The following CPA6 variants were observed in gnomAD, a reference collection of about 807,000 sequenced individuals.
CPA6 encodes carboxypeptidase B.
A neutral mutation model predicts 63.3 loss-of-function variants in CPA6; 58 were observed. The ratio of observed to expected loss-of-function variants is 0.92; its 90% CI spans 0.74 to 1.14. CPA6 has a LOEUF of 1.14. Among genes scored for constraint, CPA6 ranks in the 50% most tolerant of loss-of-function variants. CPA6 has a pLI of 0.00. For synonymous variants in CPA6, 185 were observed against 179.0 expected, an observed-to-expected ratio of 1.03 and a Z score of -0.27; for missense variants, 565 against 526.6, an observed-to-expected ratio of 1.07 and a Z score of -0.71.
chr8:67,690,554 A>G (rs190583069), intron 1 of CPA6, among the ~76,000 whole-genome samples: 217 of 152,312 alleles, frequency 1.4e-3, no homozygotes, highest in African/African-American at 5.0e-3. Context: ...AAGCAATATT[A>G]GTGTTCAGAG....
At chr8:67,504,452 A>G (rs57097218) in intron 6 of CPA6, among the ~76,000 whole-genome samples, 15,287 of 152,212 alleles carry the variant, frequency 0.1, 2,003 homozygotes, top group African/African-American at 0.3. Context: ...GTTACAAAAG[A>G]ACCGTGGTTT....
At chr8:67,701,086 A>G (rs1222899045) in intron 1 of CPA6, among the ~76,000 whole-genome samples, 3 of 152,200 alleles carry the variant, frequency 2.0e-5, no homozygotes, top group African/African-American at 7.2e-5. Flanking sequence ...TATCTCAGAG[A>G]AAACATGGTA....
intron 1 of CPA6, among the ~76,000 whole-genome samples, chr8:67,710,352 G>GC (rs1171879622): frequency 6.6e-6 from 1 of 151,842 alleles, no homozygotes; most frequent in Non-Finnish European, 1.5e-5. Flanking sequence ...ATCTGGGAAA[G>GC]CCCCAGCTGC....
Position 67,509,636 on chromosome 8 carries a change from A to G in CPA6, c.433-18T>C. 7.7e-7 allele frequency: 1 copy of G among 1,303,736 alleles called. No individual in the cohort carries two copies. The highest frequency in any genetic ancestry group is 1.5e-5 in the African/African-American group (1 of 68,160). 80.8% of individuals were successfully genotyped at this position (1,303,736 alleles called of 1,614,324 possible). A position where few individuals can be genotyped will look rare whatever the true frequency, so the allele number is the denominator to read the frequency against. Reference sequence around the variant, plus strand: ...TTTTGAATCTAAGAGCAAATAAATAAAAACTATGTTAGACTCTCTCAAAAT... The same window carrying G: ...TTTTGAATCTAAGAGCAAATAAATAGAAACTATGTTAGACTCTCTCAAAAT... On this transcript the variant is annotated intron_variant, in intron 4 of 10. Transcript: ENST00000297770.
intron 1 of CPA6, among the ~76,000 whole-genome samples, chr8:67,667,455 C>A (rs898455791): frequency 6.6e-6 from 1 of 152,042 alleles, no homozygotes; most frequent in African/African-American, 2.4e-5. Context: ...ACAGGAAAGA[C>A]CCCCATGCCA....
intron 2 of CPA6, among the ~76,000 whole-genome samples, chr8:67,613,356 G>C (rs1814859579): frequency 6.6e-6 from 1 of 152,148 alleles, no homozygotes; most frequent in Non-Finnish European, 1.5e-5. Flanking sequence ...ATTCACTCAA[G>C]CAATATTTGT....
At chr8:67,426,119 C>A (rs996803667) in intron 10 of CPA6, among the ~76,000 whole-genome samples, 5 of 152,244 alleles carry the variant, frequency 3.3e-5, no homozygotes, top group South Asian at 4.2e-4. Context: ...CAGGTGCATG[C>A]CACTATGCCC....
chr8:67,529,726 C>T (rs1236273221), intron 2 of CPA6, among the ~76,000 whole-genome samples: 1 of 152,032 alleles, frequency 6.6e-6, no homozygotes, highest in African/African-American at 2.4e-5. Context: ...ATATACACTC[C>T]AGGTAGGAAA....
intron 9 of CPA6, among the ~76,000 whole-genome samples, chr8:67,431,820 C>A (rs148216280): frequency 6.6e-6 from 1 of 152,190 alleles, no homozygotes; most frequent in Admixed American, 6.5e-5. Flanking sequence ...ATGCCAAGAA[C>A]AAAATTCTCT....
At position 67,746,012 on chromosome 8, in the gene CPA6, A is replaced by T; in HGVS notation, c.116+2T>A. On this transcript the variant is annotated splice_donor_variant, in intron 1 of 10. Transcript: ENST00000297770. LOFTEE classifies it high-confidence loss of function. ...GTAGGGCATGAATGTCGCTCCACTT[A>T]CCCAGCATAGCGGTTGTTATAAAGG... The T allele has an allele frequency of 6.2e-7, 1 of 1,610,270 alleles. No homozygotes were observed. Among genetic ancestry groups the T allele is most frequent in the South Asian group, 1.1e-5 (1 of 90,794 alleles).
intron 2 of CPA6, among the ~76,000 whole-genome samples, chr8:67,594,208 G>A (rs1450391861): frequency 2.0e-5 from 3 of 152,140 alleles, no homozygotes; most frequent in African/African-American, 7.2e-5. Flanking sequence ...GTTGAAGATT[G>A]GCCCCCACTC....
At chr8:67,580,727 C>A (rs1813749509) in intron 2 of CPA6, among the ~76,000 whole-genome samples, 1 of 152,140 alleles carries the variant, frequency 6.6e-6, no homozygotes, top group Admixed American at 6.5e-5. Context: ...CTGGAATATT[C>A]AAGGTAAGTT....
chr8:67,643,857 T>A (rs1332415905), intron 1 of CPA6, among the ~76,000 whole-genome samples: 1 of 152,162 alleles, frequency 6.6e-6, no homozygotes, highest in Non-Finnish European at 1.5e-5. Flanking sequence ...ATTCAGTAGG[T>A]CTGATAAGCA....
chr8:67,619,529 C>G (rs1188471766), intron 2 of CPA6, among the ~76,000 whole-genome samples: 1 of 152,108 alleles, frequency 6.6e-6, no homozygotes, highest in Admixed American at 6.5e-5. Flanking sequence ...TACTTCTACC[C>G]AAGTTCCTGC....
At chr8:67,496,548 TA>T (rs1563976175) in intron 6 of CPA6, among the ~76,000 whole-genome samples, 33 of 134,866 alleles carry the variant, frequency 2.4e-4, no homozygotes, top group African/African-American at 6.5e-4. Context: ...TATATATATA[TA>T]TATATATATT....
intron 2 of CPA6, among the ~76,000 whole-genome samples, chr8:67,593,608 C>T (rs1264262724): frequency 2.0e-5 from 3 of 152,178 alleles, no homozygotes; most frequent in African/African-American, 7.2e-5. Context: ...TTTAGCTCTT[C>T]TTGTGGAATT....
At chr8:67,530,683 G>A (rs1320736205) in intron 2 of CPA6, among the ~76,000 whole-genome samples, 8 of 152,180 alleles carry the variant, frequency 5.3e-5, no homozygotes, top group Non-Finnish European at 1.5e-5. Flanking sequence ...AGTTGTAGAT[G>A]TCTGTTATAA....
At chr8:67,617,484 A>T (rs1173167728) in intron 2 of CPA6, among the ~76,000 whole-genome samples, 1 of 152,222 alleles carries the variant, frequency 6.6e-6, no homozygotes, top group Non-Finnish European at 1.5e-5. Context: ...TTAACAAAAA[A>T]GTAGAAATGT....
At chr8:67,595,689 G>A (rs191726014) in intron 2 of CPA6, among the ~76,000 whole-genome samples, 2 of 152,352 alleles carry the variant, frequency 1.3e-5, no homozygotes, top group Admixed American at 1.3e-4. Flanking sequence ...TTCCGAGCCA[G>A]GTGCGGGATA....
Sources: allele counts gnomAD v4.1 joint callset (sites outside exome capture counted in the v4.1 genomes callset), GRCh38; gene constraint gnomAD v4.1.1; transcripts MANE v1.5; gene names NCBI Gene and HGNC (gene_info 2026-07-23, HGNC 2026-07-21).